RALGAPB: variants seen among roughly 807,000 people sequenced by gnomAD.
RALGAPB encodes ral GTPase-activating protein subunit beta.
A neutral mutation model predicts 161.1 loss-of-function variants in RALGAPB; 25 were observed. That is an observed-to-expected ratio of 0.16 (90% CI 0.11 to 0.22). The LOEUF (loss-of-function observed/expected upper bound fraction) is 0.22. RALGAPB is among the 10% of genes least tolerant of loss of function. RALGAPB has a pLI of 1.00. For missense variants in RALGAPB, 1,391 were observed against 1,815.2 expected, an observed-to-expected ratio of 0.77 and a Z score of 4.25; for synonymous variants, 629 against 626.1, an observed-to-expected ratio of 1.00 and a Z score of -0.07.
intron 9 of RALGAPB, 129 bp downstream of exon 9, chr20:38,518,129 T>C: frequency 1.2e-6 from 1 of 858,540 alleles, no homozygotes; most frequent in Non-Finnish European, 1.8e-6. Context: ...AGCAATGTCT[T>C]GTGCTTAACC....
chr20:38,553,520 T>C (rs959289883), intron 21 of RALGAPB, among the ~76,000 whole-genome samples: 1 of 152,180 alleles, frequency 6.6e-6, no homozygotes, highest in Non-Finnish European at 1.5e-5. Flanking sequence ...GGAAGTTTTT[T>C]TGGCATTTGT....
At position 38,535,222 on chromosome 20, in the gene RALGAPB, C is replaced by T; in HGVS notation, c.2379+15C>T. ...GCCTTGCAAAGGTGAGGAAGACAGT[C>T]CTTTTATTTTAACCCAACAGCCTTG... On this transcript the variant is annotated intron_variant, in intron 16 of 29. Transcript: ENST00000262879. 6.2e-7 allele frequency: 1 copy of T among 1,613,664 alleles called. No individual in the cohort carries two copies. Among genetic ancestry groups the T allele is most frequent in the Non-Finnish European group, 8.5e-7 (1 of 1,179,744 alleles).
In RALGAPB at chr20:38,575,121, G is replaced by C. The variant is rs781739089; in HGVS notation, c.*154G>C. 2 of 670,064 alleles carry C rather than the reference G, an allele frequency of 3.0e-6. No homozygotes were observed. Among genetic ancestry groups the C allele is most frequent in the East Asian group, 5.5e-5 (2 of 36,456 alleles). The allele number at this position is 670,064 out of a possible 1,614,324, so 41.5% of individuals were successfully genotyped here. ...AGAAGAAACACATTATAACCCATTT[G>C]ATAGAAGACTTTGGGCTATCTAGTG... On this transcript the variant is annotated 3_prime_UTR_variant, in exon 30 of 30. Coordinates refer to ENST00000262879, the MANE Select transcript of RALGAPB (RefSeq NM_020336.4).
chr20:38,569,867 G>GTAT, intron 26 of RALGAPB, 21 bp from the exon 27 acceptor site: 2 of 1,586,504 alleles, frequency 1.3e-6, no homozygotes, highest in Non-Finnish European at 1.7e-6. Flanking sequence ...CCCGCTCTCT[G>GTAT]TCTTCTTCTT....
intron 3 of RALGAPB, among the ~76,000 whole-genome samples, chr20:38,494,075 T>C (rs1568909198): frequency 6.6e-6 from 1 of 152,204 alleles, no homozygotes; most frequent in Non-Finnish European, 1.5e-5. Context: ...ACCTAACCAC[T>C]CAGGCCCACA....
At chr20:38,496,766 A>C (rs1374703173) in intron 3 of RALGAPB, among the ~76,000 whole-genome samples, 1 of 152,188 alleles carries the variant, frequency 6.6e-6, no homozygotes, top group Non-Finnish European at 1.5e-5. Context: ...TTTTTCTAAA[A>C]TTAGAGCAGC....
At chr20:38,507,075 A>G (rs2085784159) in intron 5 of RALGAPB, among the ~76,000 whole-genome samples, 1 of 152,206 alleles carries the variant, frequency 6.6e-6, no homozygotes, top group Admixed American at 6.5e-5. Context: ...TAATCACAGT[A>G]CATGCTTATA....
chr20:38,562,990 C>T (rs992296236), intron 24 of RALGAPB, among the ~76,000 whole-genome samples: 18 of 152,104 alleles, frequency 1.2e-4, no homozygotes, highest in African/African-American at 4.1e-4. Flanking sequence ...GTGGGAGGAT[C>T]ACTTGAGGCC....
At chr20:38,487,802 C>T (rs767334942) in intron 1 of RALGAPB, among the ~76,000 whole-genome samples, 4 of 152,258 alleles carry the variant, frequency 2.6e-5, no homozygotes, top group Middle Eastern at 6.8e-3. Flanking sequence ...CACGGTGGCT[C>T]ACACCTGTAA....
intron 7 of RALGAPB, chr20:38,516,639 T>C (rs2086132830): frequency 3.2e-6 from 1 of 317,276 alleles, no homozygotes; most frequent in African/African-American, 2.1e-5. Flanking sequence ...ACCCACCTAA[T>C]ACATCAAACA....
At chr20:38,492,790 AAAAT>A (rs1344937691) in intron 2 of RALGAPB, 136 bp from the exon 3 acceptor site, 4 of 651,284 alleles carry the variant, frequency 6.1e-6, no homozygotes, top group South Asian at 2.2e-5. Context: ...TGCATTATCT[AAAAT>A]AAATCTGATA....
At chr20:38,542,674 G>A (rs1173613089) in intron 18 of RALGAPB, among the ~76,000 whole-genome samples, 4 of 151,996 alleles carry the variant, frequency 2.6e-5, no homozygotes, top group Non-Finnish European at 5.9e-5. Flanking sequence ...TCAAGAGATC[G>A]AGACCTCCTG....
At chr20:38,529,880 A>G (rs2086598224) in intron 13 of RALGAPB, among the ~76,000 whole-genome samples, 3 of 152,136 alleles carry the variant, frequency 2.0e-5, no homozygotes, top group South Asian at 4.2e-4. Flanking sequence ...ATACATTTAC[A>G]GTACTGTATT....
chr20:38,480,904 AT>A (rs1207460175), intron 1 of RALGAPB, among the ~76,000 whole-genome samples: 2 of 149,330 alleles, frequency 1.3e-5, no homozygotes, highest in South Asian at 2.1e-4. Flanking sequence ...CGCCCGGCTA[AT>A]TTTTTTTTGT....
intron 13 of RALGAPB, among the ~76,000 whole-genome samples, chr20:38,530,701 A>G (rs2086627334): frequency 6.6e-6 from 1 of 151,558 alleles, no homozygotes; most frequent in Non-Finnish European, 1.5e-5. Context: ...GGTTCAAGCA[A>G]TTCCCCTGCC....
intron 6 of RALGAPB, among the ~76,000 whole-genome samples, chr20:38,512,007 G>A (rs920757274): frequency 3.9e-5 from 6 of 152,190 alleles, no homozygotes; most frequent in African/African-American, 1.4e-4. Flanking sequence ...CTTTCTAAGA[G>A]CATGTCTTTT....
At chr20:38,571,971 T>C (rs2088256970) in intron 28 of RALGAPB, among the ~76,000 whole-genome samples, 1 of 152,118 alleles carries the variant, frequency 6.6e-6, no homozygotes, top group African/African-American at 2.4e-5. Flanking sequence ...TGTTGGGTGC[T>C]TTAGCAGGAG....
intron 13 of RALGAPB, among the ~76,000 whole-genome samples, chr20:38,527,348 G>T (rs2086503656): frequency 6.6e-6 from 1 of 152,202 alleles, no homozygotes; most frequent in African/African-American, 2.4e-5. Flanking sequence ...ATCCTGAAGA[G>T]ATGGGTCACA....
At chr20:38,534,947 C>A in intron 15 of RALGAPB, 127 bp from the exon 16 acceptor site, 1 of 1,157,364 alleles carries the variant, frequency 8.6e-7, no homozygotes. Flanking sequence ...GAGCGTAGCA[C>A]TGTGTGGGTG....
Sources: allele counts gnomAD v4.1 joint callset (sites outside exome capture counted in the v4.1 genomes callset), GRCh38; gene constraint gnomAD v4.1.1; transcripts MANE v1.5; gene names NCBI Gene and HGNC (gene_info 2026-07-23, HGNC 2026-07-21).